TMIE: variants seen among roughly 807,000 people sequenced by gnomAD.
TMIE encodes the protein transmembrane inner ear, also known as transmembrane inner ear expressed protein.
In TMIE, 14 loss-of-function variants were observed where a neutral mutation model predicts 16.8. The observed-to-expected ratio is 0.83, with a 90% confidence interval of 0.55 to 1.30. The LOEUF (loss-of-function observed/expected upper bound fraction) is 1.30, where lower values mean the gene tolerates loss of function less well. Ranked by LOEUF, TMIE falls within the 50% of genes most tolerant of loss-of-function variation. The probability of loss-of-function intolerance (pLI) is 0.00; values close to 1 mark genes in which losing one functional copy is unlikely to be tolerated. For synonymous variants in TMIE, 75 were observed against 87.2 expected, an observed-to-expected ratio of 0.86 and a Z score of 0.78; for missense variants, 204 against 205.9, an observed-to-expected ratio of 0.99 and a Z score of 0.06.
At chr3:46,698,333 C>T (rs910199311), upstream of TMIE, among the ~76,000 whole-genome samples, 9 of 151,982 alleles carry the variant, frequency 5.9e-5, no homozygotes, top group East Asian at 5.8e-4. Flanking sequence ...TGTGAGCCAC[C>T]GCACCTGGCC....
intron 2 of TMIE, among the ~76,000 whole-genome samples, chr3:46,706,378 C>A (rs895412446): frequency 3.3e-5 from 5 of 152,176 alleles, no homozygotes; most frequent in Admixed American, 2.0e-4. Context: ...CTCACACCCG[C>A]CTCAATTAAA....
chr3:46,699,146 T>C (rs1575467049), upstream of TMIE, among the ~76,000 whole-genome samples: 1 of 144,998 alleles, frequency 6.9e-6, no homozygotes, highest in African/African-American at 2.5e-5. Flanking sequence ...GATCTCGGCT[T>C]ACCGCAACCT....
At chr3:46,697,031 C>G (rs1202337070), upstream of TMIE, among the ~76,000 whole-genome samples, 1 of 152,124 alleles carries the variant, frequency 6.6e-6, no homozygotes, top group Non-Finnish European at 1.5e-5. Context: ...GGCCATAGTT[C>G]CTGTGTGACC....
At chr3:46,706,891 G>A (rs533094364) in intron 2 of TMIE, among the ~76,000 whole-genome samples, 1 of 152,332 alleles carries the variant, frequency 6.6e-6, no homozygotes, top group East Asian at 1.9e-4. Context: ...GAGCTGTCCC[G>A]GGATGAGGTG....
upstream of TMIE, among the ~76,000 whole-genome samples, chr3:46,698,870 CA>C (rs1461978977): frequency 1.3e-5 from 2 of 150,832 alleles, no homozygotes; most frequent in Non-Finnish European, 2.9e-5. Flanking sequence ...TTTAGAGAGA[CA>C]GGGGTCTCAC....
upstream of TMIE, chr3:46,701,360 T>G: frequency 1.5e-6 from 1 of 661,618 alleles, no homozygotes; most frequent in Non-Finnish European, 2.3e-6. The surrounding 1 kb of genome is among the most constrained non-coding windows in gnomAD (Gnocchi z 4.3). Flanking sequence ...ACACCGAGGA[T>G]GAATAAATGA....
At position 46,701,407 on chromosome 3, in the gene TMIE, C is replaced by G; in HGVS notation, c.-81C>G. ...TACCCGTGGCCAAAGCCCGTGGCCA[C>G]CGAGCGCCGGCTGGCAGGGGCAGTG... On this transcript the variant is annotated 5_prime_UTR_variant, in exon 1 of 4. Coordinates refer to ENST00000643606, the MANE Select transcript of TMIE (RefSeq NM_147196.3). The surrounding 1 kb of genome is among the most constrained non-coding windows in gnomAD (Gnocchi z 4.3). 1 of 1,225,690 alleles carries G rather than the reference C, an allele frequency of 8.2e-7. No individual in the cohort carries two copies. The allele number at this position is 1,225,690 out of a possible 1,614,324, so 75.9% of individuals were successfully genotyped here.
upstream of TMIE, among the ~76,000 whole-genome samples, chr3:46,700,354 G>T (rs1177632112): frequency 1.3e-5 from 2 of 152,188 alleles, no homozygotes; most frequent in Non-Finnish European, 2.9e-5. Flanking sequence ...CCCATTCATG[G>T]CATGTCCAGG....
At chr3:46,701,386 C>A, upstream of TMIE, 2 of 884,286 alleles carry the variant, frequency 2.3e-6, no homozygotes, top group Non-Finnish European at 1.6e-6. This position sits in a 1 kb window ranked among gnomAD's most constrained non-coding sequence, Gnocchi z 4.3. Flanking sequence ...GCTGACTACC[C>A]GTGGCCAAAG....
intron 1 of TMIE, chr3:46,694,727 C>T (rs34190208): frequency 0.28 from 41,903 of 152,156 alleles, 6,031 homozygotes; most frequent in African/African-American, 0.36. Flanking sequence ...GGAGGGTTTC[C>T]AGCCTGGGAC....
At chr3:46,708,593 T>A (rs1700580371) in intron 2 of TMIE, among the ~76,000 whole-genome samples, 1 of 152,214 alleles carries the variant, frequency 6.6e-6, no homozygotes, top group South Asian at 2.1e-4. Flanking sequence ...CAGGGCAGGG[T>A]CTGTGCCCTC....
At chr3:46,698,248 G>T (rs1029460343), upstream of TMIE, among the ~76,000 whole-genome samples, 1 of 152,032 alleles carries the variant, frequency 6.6e-6, no homozygotes, top group African/African-American at 2.4e-5. Context: ...GTTTCACTGT[G>T]TTAGCCAGGA....
chr3:46,706,221 T>C (rs528893270), intron 2 of TMIE, among the ~76,000 whole-genome samples: 57 of 152,322 alleles, frequency 3.7e-4, no homozygotes, highest in African/African-American at 1.2e-3. Flanking sequence ...GGCCTCCTGA[T>C]GCTTTTCCTG....
chr3:46,710,177 C>T lies in TMIE; in HGVS notation c.*489C>T, dbSNP rs893218060. ...GGACACTGTGGCAGCAGGAGGGACT[C>T]TGTCTGGCCAGGGAGGAGCCCCAGT... On this transcript the variant is annotated 3_prime_UTR_variant, in exon 4 of 4. Transcript: ENST00000643606. 9 of 233,124 alleles carry T rather than the reference C, an allele frequency of 3.9e-5. No homozygotes were observed. The highest frequency in any genetic ancestry group is 6.0e-5 in the Non-Finnish European group (7 of 116,950). 14.4% of individuals were successfully genotyped at this position (233,124 alleles called of 1,614,324 possible). A position where few individuals can be genotyped will look rare whatever the true frequency, so the allele number is the denominator to read the frequency against.
rs750659784 is a variant in TMIE, at chr3:46,709,607, GA to G, written c.392del (p.Lys131ArgfsTer11). The G allele has an allele frequency of 7.5e-6, 12 of 1,609,900 alleles. No individual in the cohort carries two copies. The highest frequency in any genetic ancestry group is 1.0e-5 in the Non-Finnish European group (12 of 1,176,668). On this transcript the variant is annotated frameshift_variant, in exon 4 of 4. Transcript: ENST00000643606. LOFTEE classifies it high-confidence loss of function. Reference protein sequence around the residue: ...EDKKKKKKKKKDSVDTVAIKV... With the variant: ...EDKKKKKKKKXDSVDTVAIKV... ...ATAAGAAGAAGAAGAAGAAGAAGAA[GA>G]AGGACAGTGTGGACACAGTGGCCAT...
chr3:46,705,957 C>T, intron 2 of TMIE, 50 bp downstream of exon 2: 1 of 1,558,620 alleles, frequency 6.4e-7, no homozygotes, highest in Non-Finnish European at 8.9e-7. Flanking sequence ...GGGAACACAG[C>T]ACCCCCTGCC....
At chr3:46,700,770 G>A (rs1008482299), upstream of TMIE, among the ~76,000 whole-genome samples, 6 of 152,102 alleles carry the variant, frequency 3.9e-5, no homozygotes, top group Non-Finnish European at 8.8e-5. Flanking sequence ...GTTCAGGCTG[G>A]GGCAGAGATT....
In TMIE at chr3:46,701,648, A is replaced by T; in HGVS notation, c.93+68A>T. 1 of 1,189,930 alleles carries T rather than the reference A, an allele frequency of 8.4e-7. No individual in the cohort carries two copies. Among genetic ancestry groups the T allele is most frequent in the South Asian group, 3.2e-5 (1 of 30,848 alleles). The allele number at this position is 1,189,930 out of a possible 1,614,324, so 73.7% of individuals were successfully genotyped here. Reference sequence around the variant, plus strand: ...CAGGCAGGGGGCTGGGGGAGAGGGGACGCCTTTTTGATCCGGAGCTTGTTT... The same window carrying T: ...CAGGCAGGGGGCTGGGGGAGAGGGGTCGCCTTTTTGATCCGGAGCTTGTTT... On this transcript the variant is annotated intron_variant, in intron 1 of 3. Coordinates refer to ENST00000643606, the MANE Select transcript of TMIE (RefSeq NM_147196.3). This position sits in a 1 kb window ranked among gnomAD's most constrained non-coding sequence, Gnocchi z 4.3.
chr3:46,696,098 G>A (rs977068697), intron 1 of TMIE, among the ~76,000 whole-genome samples: 5 of 152,068 alleles, frequency 3.3e-5, no homozygotes, highest in Admixed American at 6.6e-5. Flanking sequence ...TCCCACACCC[G>A]CTGCACACAG....
Sources: allele counts gnomAD v4.1 joint callset (sites outside exome capture counted in the v4.1 genomes callset), GRCh38; gene constraint gnomAD v4.1.1; non-coding constraint Gnocchi (gnomAD v3.1); transcripts MANE v1.5; gene names NCBI Gene and HGNC (gene_info 2026-07-23, HGNC 2026-07-21).